Variants in TTLL5 observed in about 807,000 individuals in gnomAD.
The protein encoded by TTLL5 is tubulin polyglutamylase TTLL5.
A neutral mutation model predicts 168.4 loss-of-function variants in TTLL5; 132 were observed. The ratio of observed to expected loss-of-function variants is 0.78; its 90% confidence interval spans 0.68 to 0.91. TTLL5 has a LOEUF of 0.91. Ranked by LOEUF, TTLL5 falls within the 40% of genes least tolerant of loss-of-function variation. TTLL5 has a pLI of 0.00. For missense variants in TTLL5, 1,545 were observed against 1,581.5 expected (o/e 0.98, Z 0.39); for synonymous variants, 546 against 558.6 (o/e 0.98, Z 0.32).
intron 27 of TTLL5, among the ~76,000 whole-genome samples, chr14:75,818,133 C>A (rs761861609): frequency 2.0e-5 from 3 of 151,990 alleles, no homozygotes; most frequent in Non-Finnish European, 4.4e-5. Flanking sequence ...CCACCGTGCC[C>A]GGCCCCATTC....
At chr14:75,945,724 A>G (rs2034752809) in intron 31 of TTLL5, among the ~76,000 whole-genome samples, 1 of 152,262 alleles carries the variant, frequency 6.6e-6, no homozygotes, top group African/African-American at 2.4e-5. Context: ...CAACATTTGA[A>G]GAGATAATGG....
intron 28 of TTLL5, among the ~76,000 whole-genome samples, chr14:75,821,775 G>C (rs1460192907): frequency 6.6e-6 from 1 of 152,124 alleles, no homozygotes; most frequent in Admixed American, 6.5e-5. Flanking sequence ...TGCCCACGAG[G>C]CTGCGATAAT....
intron 18 of TTLL5, among the ~76,000 whole-genome samples, chr14:75,762,331 G>A (rs915793129): frequency 7.5e-4 from 114 of 152,242 alleles, no homozygotes; most frequent in African/African-American, 2.6e-3. Context: ...GGAGGCAGAG[G>A]TTGCAGTGAA....
intron 27 of TTLL5, among the ~76,000 whole-genome samples, chr14:75,811,026 A>G (rs893543655): frequency 6.6e-6 from 1 of 151,440 alleles, no homozygotes; most frequent in Non-Finnish European, 1.5e-5. Flanking sequence ...TGGGACTCCT[A>G]ATTTCCTTGA....
At chr14:75,771,385 A>G (rs1891303669) in intron 20 of TTLL5, among the ~76,000 whole-genome samples, 1 of 152,190 alleles carries the variant, frequency 6.6e-6, no homozygotes, top group Admixed American at 6.5e-5. Flanking sequence ...CTGAGATTCC[A>G]CCACTACACT....
At chr14:75,883,753 T>A (rs1027607682) in intron 30 of TTLL5, among the ~76,000 whole-genome samples, 8 of 152,250 alleles carry the variant, frequency 5.3e-5, no homozygotes, top group Non-Finnish European at 1.0e-4. Context: ...AAATATTTAT[T>A]CAGTGCCCAC....
chr14:75,886,625 T>C (rs1187132453), intron 30 of TTLL5: 3 of 1,529,082 alleles, frequency 2.0e-6, no homozygotes, highest in East Asian at 2.3e-5. Flanking sequence ...TAAAATTTTT[T>C]TTTTTACCAT....
chr14:75,933,135 A>G (rs1352179725), intron 31 of TTLL5, among the ~76,000 whole-genome samples: 1 of 152,184 alleles, frequency 6.6e-6, no homozygotes, highest in Non-Finnish European at 1.5e-5. Context: ...CACATAACAA[A>G]TTTTACCTGA....
chr14:75,880,359 T>C (rs1475185501), intron 29 of TTLL5, among the ~76,000 whole-genome samples: 2 of 152,246 alleles, frequency 1.3e-5, no homozygotes, highest in African/African-American at 2.4e-5. Context: ...ATTGAATAGA[T>C]GTTCTTACCA....
intron 26 of TTLL5, 44 bp downstream of exon 26, chr14:75,783,574 C>T (rs770453480): frequency 9.4e-5 from 148 of 1,581,174 alleles, no homozygotes; most frequent in Non-Finnish European, 1.2e-4. Flanking sequence ...GAGCTCCTCC[C>T]CAGCCCCAAT....
chr14:75,870,848 G>A (rs2030971321), intron 29 of TTLL5, among the ~76,000 whole-genome samples: 2 of 149,032 alleles, frequency 1.3e-5, no homozygotes, highest in African/African-American at 5.0e-5. Context: ...CAGCTGGAGT[G>A]CAGTGGCTCG....
chr14:75,833,678 A>G (rs1331312759), intron 28 of TTLL5, among the ~76,000 whole-genome samples: 6 of 152,228 alleles, frequency 3.9e-5, no homozygotes. Flanking sequence ...GCCATAGAGT[A>G]CGTGCCCAGT....
chr14:75,766,070 C>T lies in TTLL5; in HGVS notation c.1717C>T (p.Gln573Ter), dbSNP rs1165284517. 1 of 1,610,358 alleles carries T rather than the reference C, an allele frequency of 6.2e-7. No homozygotes were observed. The highest frequency in any genetic ancestry group is 2.2e-5 in the East Asian group (1 of 44,806). The part of the protein sequence containing the change: ...AMRPKYPVIT[Q>*]PAEMNVKTET... Reference sequence around the variant, plus strand: ...TGATTCTTCGTATTTAGTGATTACCCAACCAGCTGAAATGAATGTTAAAAC... The same window carrying T: ...TGATTCTTCGTATTTAGTGATTACCTAACCAGCTGAAATGAATGTTAAAAC... Residue 573 changes from glutamine (Q) to a stop codon, truncating the protein, a stop_gained, in exon 20 of 32, where the codon CAA (glutamine) becomes TAA (stop). Coordinates refer to ENST00000298832, the MANE Select transcript of TTLL5 (RefSeq NM_015072.5). LOFTEE classifies it high-confidence loss of function.
At chr14:75,847,537 T>C (rs950070740) in intron 28 of TTLL5, 3 of 152,046 alleles carry the variant, frequency 2.0e-5, no homozygotes, top group Admixed American at 2.0e-4. Flanking sequence ...TAATGTTTAC[T>C]ATGTATACAA....
At chr14:75,941,946 C>A (rs1310037092) in intron 31 of TTLL5, among the ~76,000 whole-genome samples, 1 of 149,792 alleles carries the variant, frequency 6.7e-6, no homozygotes, top group Non-Finnish European at 1.5e-5. Flanking sequence ...ACTTTGGGAG[C>A]CGAGGCAGGC....
intron 12 of TTLL5, among the ~76,000 whole-genome samples, chr14:75,731,605 G>T (rs1263296006): frequency 1.3e-5 from 2 of 152,132 alleles, no homozygotes; most frequent in Admixed American, 1.3e-4. Flanking sequence ...AATCAATACA[G>T]AATCCATAAA....
At chr14:75,806,109 C>T (rs1011716175) in intron 27 of TTLL5, among the ~76,000 whole-genome samples, 1 of 151,492 alleles carries the variant, frequency 6.6e-6, no homozygotes. Flanking sequence ...CAGCTCACTA[C>T]AATCTCTGCC....
At chr14:75,813,002 T>C (rs1425124468) in intron 27 of TTLL5, among the ~76,000 whole-genome samples, 1 of 152,140 alleles carries the variant, frequency 6.6e-6, no homozygotes, top group African/African-American at 2.4e-5. Context: ...GATAACACAG[T>C]GATTAAAACA....
At chr14:75,737,727 T>A in intron 15 of TTLL5, 1 of 1,048,180 alleles carries the variant, frequency 9.5e-7, no homozygotes, top group Non-Finnish European at 1.4e-6. Context: ...TTGCGCAGTT[T>A]AATAACAAAG....
Sources: allele counts gnomAD v4.1 joint callset (sites outside exome capture counted in the v4.1 genomes callset), GRCh38; gene constraint gnomAD v4.1.1; transcripts MANE v1.5; gene names NCBI Gene and HGNC (gene_info 2026-07-23, HGNC 2026-07-21).